The following ELOC variants were observed in gnomAD, a reference collection of about 807,000 sequenced individuals.
The protein encoded by ELOC is elongin C, also known as elongin-C.
For missense variants in ELOC, 38 were observed against 139.0 expected (o/e 0.27, Z 3.65); for synonymous variants, 40 against 51.3 (o/e 0.78, Z 0.94).
At chr8:73,969,324 T>C (rs1234111969) in intron 1 of ELOC, among the ~76,000 whole-genome samples, 4 of 152,230 alleles carry the variant, frequency 2.6e-5, no homozygotes, top group Non-Finnish European at 5.9e-5. Flanking sequence ...TTGTTCGTTT[T>C]GTTCCTGGGA....
intron 1 of ELOC, among the ~76,000 whole-genome samples, chr8:73,962,034 T>A (rs552634190): frequency 6.6e-6 from 1 of 152,084 alleles, no homozygotes; most frequent in South Asian, 2.1e-4. Flanking sequence ...TAGCTGGGAC[T>A]ACAGGTGCAT....
chr8:73,949,898 ATT>A (rs1281700589), intron 3 of ELOC, among the ~76,000 whole-genome samples: 1 of 152,100 alleles, frequency 6.6e-6, no homozygotes, highest in Non-Finnish European at 1.5e-5. Context: ...TTCTGTTGGC[ATT>A]TGTGATTTTT....
chr8:73,956,123 G>A (rs1213294953), intron 2 of ELOC, 69 bp from the exon 3 acceptor site: 48 of 1,482,498 alleles, frequency 3.2e-5, no homozygotes, highest in Middle Eastern at 3.5e-4. Flanking sequence ...AGGTTTGGCT[G>A]GGCGCAGTGG....
chr8:73,969,113 G>C (rs1370498712), intron 1 of ELOC, among the ~76,000 whole-genome samples: 1 of 152,138 alleles, frequency 6.6e-6, no homozygotes, highest in Non-Finnish European at 1.5e-5. Flanking sequence ...CCGAGTGCCA[G>C]TCGTGAATAT....
intron 2 of ELOC, 72 bp from the exon 3 acceptor site, chr8:73,956,126 C>T (rs907819793): frequency 1.7e-5 from 25 of 1,454,210 alleles, no homozygotes; most frequent in South Asian, 1.1e-4. Flanking sequence ...TTTGGCTGGG[C>T]GCAGTGGCTC....
At chr8:73,960,171 A>G (rs1814495115) in intron 1 of ELOC, among the ~76,000 whole-genome samples, 1 of 152,232 alleles carries the variant, frequency 6.6e-6, no homozygotes, top group African/African-American at 2.4e-5. Flanking sequence ...ATTAAAATAC[A>G]TACACGGAAC....
intron 3 of ELOC, 24 bp from the exon 4 acceptor site, chr8:73,946,844 T>C (rs375930903): frequency 4.4e-6 from 7 of 1,591,378 alleles, no homozygotes; most frequent in South Asian, 3.4e-5. Context: ...GAATTATGTA[T>C]GTTATTGGCT....
chr8:73,969,435 A>C (rs1040853679), intron 1 of ELOC: 8 of 152,216 alleles, frequency 5.3e-5, no homozygotes, highest in African/African-American at 1.9e-4. Context: ...CCATGTCTCA[A>C]CTGGACATTT....
rs538577096 is a variant in ELOC at position 73,960,296 on chromosome 8, A to G, written c.-50-478T>C. 9.2e-5 allele frequency among the ~76,000 whole-genome samples: 14 copies of G among 152,284 alleles called. 1 individual carries two copies. The South Asian group carries it at 2.5e-3, about 27-fold the overall frequency. On this transcript the variant is annotated intron_variant, in intron 1 of 3. Coordinates refer to ENST00000520242, the MANE Select transcript of ELOC (RefSeq NM_005648.4). ...CAAACAAAACTATGGGTCCTGTTGTATAATAAAGAATTTGGCTGGTTTTTG... is the reference window on the plus strand; with the variant it reads ...CAAACAAAACTATGGGTCCTGTTGTGTAATAAAGAATTTGGCTGGTTTTTG...
chr8:73,960,123 CAT>C (rs1271588111), intron 1 of ELOC, among the ~76,000 whole-genome samples: 1 of 152,108 alleles, frequency 6.6e-6, no homozygotes, highest in Non-Finnish European at 1.5e-5. Context: ...TAAAATGTGA[CAT>C]GTTAAAAGTA....
rs949049350 is a variant in ELOC, at chr8:73,967,949, G to C, written c.-51+4128C>G. 1.1e-4 allele frequency among the ~76,000 whole-genome samples: 17 copies of C among 152,246 alleles called. No homozygotes were observed. The East Asian group carries it at 2.9e-3, about 26-fold the overall frequency. Reference sequence around the variant, plus strand: ...CTTAATCTGCAGTCCCCCATTCCTCGAGGTTCACAGATAAGCAGTAGAATC... The same window carrying C: ...CTTAATCTGCAGTCCCCCATTCCTCCAGGTTCACAGATAAGCAGTAGAATC... On this transcript the variant is annotated intron_variant, in intron 1 of 3. Coordinates refer to ENST00000520242, the MANE Select transcript of ELOC (RefSeq NM_005648.4).
intron 3 of ELOC, among the ~76,000 whole-genome samples, chr8:73,955,306 T>C (rs548091184): frequency 1.3e-5 from 2 of 152,006 alleles, no homozygotes; most frequent in Non-Finnish European, 2.9e-5. Flanking sequence ...CCATCTCTAC[T>C]AAAAATACAA....
At chr8:73,955,715 A>C (rs1232409742) in intron 3 of ELOC, 196 bp downstream of exon 3, 2 of 631,042 alleles carry the variant, frequency 3.2e-6, no homozygotes, top group Non-Finnish European at 2.8e-6. Flanking sequence ...CAGTGAGCTG[A>C]GACCGCACCA....
intron 3 of ELOC, among the ~76,000 whole-genome samples, chr8:73,947,140 C>T (rs891833768): frequency 3.3e-5 from 5 of 152,120 alleles, no homozygotes; most frequent in Non-Finnish European, 1.5e-5. Context: ...AGGTGTGCAG[C>T]ACCACGACCG....
intron 3 of ELOC, among the ~76,000 whole-genome samples, chr8:73,948,114 C>T (rs1026880719): frequency 6.6e-6 from 1 of 151,846 alleles, no homozygotes; most frequent in African/African-American, 2.4e-5. Flanking sequence ...ATTTCTTGAA[C>T]CCAGGAGGCA....
At chr8:73,957,260 T>G (rs1814256897) in intron 2 of ELOC, among the ~76,000 whole-genome samples, 1 of 151,978 alleles carries the variant, frequency 6.6e-6, no homozygotes, top group Admixed American at 6.6e-5. Flanking sequence ...TATTGGTCTT[T>G]AAAAAAACCC....
intron 3 of ELOC, among the ~76,000 whole-genome samples, chr8:73,948,018 C>T (rs903533639): frequency 7.2e-5 from 11 of 151,986 alleles, no homozygotes; most frequent in African/African-American, 2.2e-4. Context: ...CATAGTGAAA[C>T]CCCATCTGTA....
intron 2 of ELOC, among the ~76,000 whole-genome samples, chr8:73,959,143 T>C (rs1721743683): frequency 6.6e-6 from 1 of 152,160 alleles, no homozygotes; most frequent in Non-Finnish European, 1.5e-5. Context: ...TCTGTGTGAG[T>C]TGGTAAGTGA....
chr8:73,961,860 C>T (rs931439425), intron 1 of ELOC, among the ~76,000 whole-genome samples: 2 of 152,058 alleles, frequency 1.3e-5, no homozygotes, highest in Non-Finnish European at 2.9e-5. Context: ...GCCTAAGAAG[C>T]GGTAAACACT....
Sources: gnomAD v4.1 joint callset for allele counts (sites outside exome capture counted in the v4.1 genomes callset) on GRCh38, gnomAD v4.1.1 for gene constraint, MANE v1.5 for transcripts, NCBI Gene and HGNC (gene_info 2026-07-23, HGNC 2026-07-21) for gene names.